Variants in SMYD3 observed in about 807,000 individuals in gnomAD.
SMYD3 encodes the protein histone-lysine N-methyltransferase SMYD3.
Under a neutral mutation model 57.7 loss-of-function variants are expected in SMYD3, and 36 were observed. The ratio of observed to expected loss-of-function variants is 0.62; its 90% CI spans 0.48 to 0.82. The LOEUF is 0.82. Ranked by LOEUF, SMYD3 falls within the 40% of genes least tolerant of loss-of-function variation. The pLI is 0.00. For missense variants in SMYD3, 515 were observed against 538.8 expected (o/e 0.96, Z 0.44); for synonymous variants, 211 against 195.0 (o/e 1.08, Z -0.68).
chr1:245,789,082 C>T (rs978631348), intron 10 of SMYD3: 2 of 152,196 alleles, frequency 1.3e-5, no homozygotes, highest in Non-Finnish European at 2.9e-5. Flanking sequence ...GAACACGGCA[C>T]CAGGAGCTTT....
At chr1:246,506,925 A>C in intron 1 of SMYD3, 129 bp downstream of exon 1, 1 of 833,142 alleles carries the variant, frequency 1.2e-6, no homozygotes. Flanking sequence ...CGTCAGGGGC[A>C]GCACCGCCAA....
At chr1:246,432,310 T>C (rs1448560450) in intron 1 of SMYD3, among the ~76,000 whole-genome samples, 1 of 152,216 alleles carries the variant, frequency 6.6e-6, no homozygotes, top group Non-Finnish European at 1.5e-5. Flanking sequence ...AAAATTAAGT[T>C]GCTTTAATGA....
chr1:245,958,445 G>A lies in SMYD3; in HGVS notation c.532-28508C>T, dbSNP rs115211973. The stretch of plus-strand genomic sequence containing the variant: ...ACACCATTTTCTAAAGTGCTGTGCT[G>A]ATGAATGTACTTTCCACAGGCTCTT... On this transcript the variant is annotated intron_variant, in intron 5 of 11. Transcript: ENST00000490107. 9.7e-4 allele frequency among the ~76,000 whole-genome samples: 148 copies of A among 152,250 alleles called. No homozygotes were observed. The South Asian group carries it at 0.015, about 15-fold the overall frequency.
At chr1:246,210,413 C>A (rs1158121370) in intron 5 of SMYD3, among the ~76,000 whole-genome samples, 1 of 152,098 alleles carries the variant, frequency 6.6e-6, no homozygotes, top group Non-Finnish European at 1.5e-5. Context: ...ACTAACAGTA[C>A]TTCTGATATA....
chr1:246,491,925 C>T (rs1008718848), intron 1 of SMYD3, among the ~76,000 whole-genome samples: 3 of 152,194 alleles, frequency 2.0e-5, no homozygotes, highest in African/African-American at 4.8e-5. Flanking sequence ...TGTCTGAACG[C>T]AACTCTGTTC....
At chr1:246,321,358 A>C (rs2065244912) in intron 5 of SMYD3, among the ~76,000 whole-genome samples, 1 of 152,230 alleles carries the variant, frequency 6.6e-6, no homozygotes, top group African/African-American at 2.4e-5. Flanking sequence ...AGTACGTTAT[A>C]GTTGATCCTC....
At chr1:245,896,400 A>AAAAAC (rs2053796499) in intron 8 of SMYD3, among the ~76,000 whole-genome samples, 2 of 150,258 alleles carry the variant, frequency 1.3e-5, no homozygotes, top group Admixed American at 1.3e-4. Context: ...AAAAAAAAAA[A>AAAAAC]AAAAAACAGG....
chr1:246,001,142 T>C (rs1243883796), intron 5 of SMYD3, among the ~76,000 whole-genome samples: 3 of 152,184 alleles, frequency 2.0e-5, no homozygotes, highest in Admixed American at 2.0e-4. Context: ...GACAGAACCA[T>C]ATTTAGGATC....
intron 7 of SMYD3, among the ~76,000 whole-genome samples, chr1:245,927,538 T>A (rs2056455674): frequency 6.6e-6 from 1 of 152,142 alleles, no homozygotes; most frequent in Non-Finnish European, 1.5e-5. Flanking sequence ...GTCTTGGGGA[T>A]CCCACTCACA....
intron 5 of SMYD3, chr1:246,096,227 G>A (rs749716952): frequency 8.5e-5 from 13 of 152,204 alleles, no homozygotes; most frequent in Non-Finnish European, 1.9e-4. Flanking sequence ...ATATGCAAAT[G>A]CATTCACGCT....
intron 4 of SMYD3, 92 bp from the exon 5 acceptor site, chr1:246,327,429 T>G (rs912792685): frequency 7.3e-6 from 8 of 1,092,212 alleles, no homozygotes; most frequent in African/African-American, 1.6e-5. Flanking sequence ...AAACCAGATA[T>G]TTCCTACCTT....
At chr1:245,899,082 TAATA>T (rs1276962841) in intron 8 of SMYD3, among the ~76,000 whole-genome samples, 11 of 152,230 alleles carry the variant, frequency 7.2e-5, no homozygotes, top group Non-Finnish European at 1.2e-4. Flanking sequence ...TGTAGACACA[TAATA>T]AATATTGCTT....
chr1:246,214,203 G>C (rs1331962770), intron 5 of SMYD3, among the ~76,000 whole-genome samples: 1 of 152,132 alleles, frequency 6.6e-6, no homozygotes, highest in East Asian at 1.9e-4. Context: ...GAGGAGTCTA[G>C]AAATCCAGTC....
chr1:245,793,679 C>T (rs1055575207), intron 10 of SMYD3, among the ~76,000 whole-genome samples: 2 of 152,064 alleles, frequency 1.3e-5, no homozygotes, highest in African/African-American at 2.4e-5. Context: ...ATGCTGTACC[C>T]GCCACACCTC....
intron 5 of SMYD3, among the ~76,000 whole-genome samples, chr1:246,116,488 A>G (rs1432698073): frequency 6.6e-6 from 1 of 152,196 alleles, no homozygotes; most frequent in Non-Finnish European, 1.5e-5. Context: ...ATATAACTCA[A>G]TGACTCCTTC....
intron 1 of SMYD3, among the ~76,000 whole-genome samples, chr1:246,378,354 G>A (rs1262978706): frequency 6.6e-6 from 1 of 152,070 alleles, no homozygotes. Flanking sequence ...ATGAACATTT[G>A]AGTCAGTGGA....
intron 5 of SMYD3, among the ~76,000 whole-genome samples, chr1:246,311,043 A>G (rs2065068162): frequency 6.6e-6 from 1 of 152,152 alleles, no homozygotes; most frequent in African/African-American, 2.4e-5. Context: ...TGGAATGATC[A>G]CACTCTATAG....
chr1:246,444,271 ATGTG>A (rs2067517313), intron 1 of SMYD3, among the ~76,000 whole-genome samples: 1 of 147,564 alleles, frequency 6.8e-6, no homozygotes, highest in Non-Finnish European at 1.5e-5. Flanking sequence ...GATTACAGGC[ATGTG>A]CCACCACGCC....
At chr1:246,334,703 CCT>C (rs1328554436) in intron 3 of SMYD3, among the ~76,000 whole-genome samples, 2 of 152,020 alleles carry the variant, frequency 1.3e-5, no homozygotes, top group East Asian at 3.9e-4. Flanking sequence ...ACATGTACCC[CCT>C]GAATCTAAAA....
Sources: gnomAD v4.1 joint callset for allele counts (sites outside exome capture counted in the v4.1 genomes callset) on GRCh38, gnomAD v4.1.1 for gene constraint, MANE v1.5 for transcripts, NCBI Gene and HGNC (gene_info 2026-07-23, HGNC 2026-07-21) for gene names.